The following PPP2R5E variants were observed in gnomAD, a reference collection of about 807,000 sequenced individuals.
PPP2R5E encodes serine/threonine-protein phosphatase 2A 56 kDa regulatory subunit epsilon isoform.
PPP2R5E carries 4 observed loss-of-function variants against 65.3 expected under a neutral mutation model. The ratio of observed to expected loss-of-function variants is 0.06; its 90% CI spans 0.03 to 0.14. The LOEUF is 0.14. Ranked by LOEUF, PPP2R5E falls within the 10% of genes least tolerant of loss-of-function variation. The probability of loss-of-function intolerance (pLI) is 1.00; values close to 1 mark genes in which losing one functional copy is unlikely to be tolerated. For missense variants in PPP2R5E, 274 were observed against 556.1 expected, an observed-to-expected ratio of 0.49 and a Z score of 5.10; for synonymous variants, 183 against 187.4, an observed-to-expected ratio of 0.98 and a Z score of 0.19.
intron 2 of PPP2R5E, among the ~76,000 whole-genome samples, chr14:63,503,245 T>C (rs1391938782): frequency 2.0e-5 from 3 of 152,152 alleles, no homozygotes; most frequent in Non-Finnish European, 4.4e-5. Flanking sequence ...GAAGGCCTCC[T>C]CTTGAGCTGA....
intron 2 of PPP2R5E, among the ~76,000 whole-genome samples, chr14:63,529,746 T>A (rs1351406860): frequency 1.3e-5 from 2 of 152,170 alleles, no homozygotes; most frequent in African/African-American, 4.8e-5. Flanking sequence ...ACTTGAATGA[T>A]AAGAAGTTGG....
At chr14:63,485,573 T>C (rs1056185602) in intron 2 of PPP2R5E, among the ~76,000 whole-genome samples, 6 of 150,966 alleles carry the variant, frequency 4.0e-5, no homozygotes, top group Middle Eastern at 3.4e-3. Flanking sequence ...TGCCACCACG[T>C]CCGGCTAATT....
At chr14:63,422,691 C>T (rs1887097181) in intron 3 of PPP2R5E, among the ~76,000 whole-genome samples, 1 of 141,508 alleles carries the variant, frequency 7.1e-6, no homozygotes, top group South Asian at 2.2e-4. Context: ...CGCGGCACTG[C>T]ACTCCAGCCT....
chr14:63,425,313 C>T (rs767911096), intron 3 of PPP2R5E, among the ~76,000 whole-genome samples: 3 of 152,182 alleles, frequency 2.0e-5, no homozygotes, highest in Non-Finnish European at 4.4e-5. Context: ...TATCAACCTA[C>T]GACTTCCCTT....
chr14:63,507,572 TC>T (rs1892251165), intron 2 of PPP2R5E, among the ~76,000 whole-genome samples: 1 of 145,234 alleles, frequency 6.9e-6, no homozygotes, highest in African/African-American at 2.6e-5. Flanking sequence ...CAAGGGTAAT[TC>T]TCTTTTTTTT....
At chr14:63,510,941 G>A (rs777426000) in intron 2 of PPP2R5E, among the ~76,000 whole-genome samples, 4 of 152,196 alleles carry the variant, frequency 2.6e-5, no homozygotes, top group Non-Finnish European at 5.9e-5. Flanking sequence ...TAGCAAAGGA[G>A]GCAGAGAAGA....
At position 63,397,901 on chromosome 14, in the gene PPP2R5E, G is replaced by A. The variant is rs1439023577; in HGVS notation, c.550-1185C>T. 3.9e-5 allele frequency among the ~76,000 whole-genome samples: 6 copies of A among 152,004 alleles called. No homozygotes were observed. In the East Asian group the frequency reaches 1.2e-3, roughly 29 times the overall value. ...TACCACCGTGCCCAGCTAATTTTTT[G>A]TATTTTTAGCAGAGACAGGGTTTCA... On this transcript the variant is annotated intron_variant, in intron 5 of 13. Coordinates refer to ENST00000337537, the MANE Select transcript of PPP2R5E (RefSeq NM_006246.5).
intron 1 of PPP2R5E, among the ~76,000 whole-genome samples, chr14:63,542,304 C>A (rs921101115): frequency 2.0e-5 from 3 of 152,128 alleles, no homozygotes; most frequent in African/African-American, 7.2e-5. Flanking sequence ...GCTTTATCAT[C>A]CTCTAATCAG....
intron 2 of PPP2R5E, among the ~76,000 whole-genome samples, chr14:63,459,157 A>C (rs1889317738): frequency 1.3e-5 from 2 of 152,234 alleles, no homozygotes; most frequent in African/African-American, 4.8e-5. Context: ...GATGCTTAAT[A>C]CTAAAACATT....
In PPP2R5E at chr14:63,537,111, A is replaced by G. The variant is rs187484201; in HGVS notation, c.157+2418T>C. On this transcript the variant is annotated intron_variant, in intron 2 of 13. Transcript: ENST00000337537. ...TAAAGCATGTGTCCAAATTCTTCTC[A>G]TGCATGCTTCTTTCACTACCCACAA... 6.6e-5 allele frequency among the ~76,000 whole-genome samples: 10 copies of G among 152,262 alleles called. No individual in the cohort carries two copies. In the East Asian group the frequency reaches 1.7e-3, roughly 26 times the overall value.
At chr14:63,395,162 C>T in intron 7 of PPP2R5E, 64 bp downstream of exon 7, 2 of 1,388,892 alleles carry the variant, frequency 1.4e-6, no homozygotes, top group Non-Finnish European at 2.0e-6. Context: ...CTCTTGGTGC[C>T]ACCTGAACCT....
At chr14:63,437,744 C>T (rs560675713) in intron 3 of PPP2R5E, among the ~76,000 whole-genome samples, 12 of 152,296 alleles carry the variant, frequency 7.9e-5, no homozygotes, top group African/African-American at 2.4e-4. Context: ...ACCCCACTCC[C>T]TACCTTTCTG....
intron 2 of PPP2R5E, among the ~76,000 whole-genome samples, chr14:63,457,220 C>A (rs909631804): frequency 4.6e-4 from 70 of 152,162 alleles, no homozygotes; most frequent in Non-Finnish European, 8.5e-4. Context: ...GGCCAGAGAT[C>A]AGAGAAGGAA....
chr14:63,505,873 A>G (rs1485031087), intron 2 of PPP2R5E, among the ~76,000 whole-genome samples: 1 of 152,148 alleles, frequency 6.6e-6, no homozygotes, highest in East Asian at 1.9e-4. Context: ...ATAAATTACA[A>G]AGCAATGTGG....
intron 11 of PPP2R5E, 145 bp from the exon 12 acceptor site, chr14:63,384,716 AAT>A (rs915226975): frequency 5.5e-5 from 33 of 601,544 alleles, no homozygotes; most frequent in Admixed American, 7.2e-5. Context: ...ATCACATTTT[AAT>A]ATATATATAT....
intron 4 of PPP2R5E, among the ~76,000 whole-genome samples, chr14:63,420,727 C>T (rs1167862218): frequency 6.6e-6 from 1 of 152,216 alleles, no homozygotes; most frequent in African/African-American, 2.4e-5. Flanking sequence ...TAGGCCTTCT[C>T]TCTCTGCTGC....
chr14:63,448,283 C>T (rs1292089809), intron 3 of PPP2R5E, among the ~76,000 whole-genome samples: 2 of 151,798 alleles, frequency 1.3e-5, no homozygotes, highest in Non-Finnish European at 2.9e-5. Context: ...GGCGACAGAG[C>T]GGGACTCCAT....
At chr14:63,381,193 AGTTCCACTG>A (rs1310279013) in intron 13 of PPP2R5E, among the ~76,000 whole-genome samples, 1 of 152,228 alleles carries the variant, frequency 6.6e-6, no homozygotes, top group Non-Finnish European at 1.5e-5. Context: ...TATTGCAAAG[AGTTCCACTG>A]GTTTGTTCTC....
intron 3 of PPP2R5E, among the ~76,000 whole-genome samples, chr14:63,432,690 G>C (rs143393450): frequency 4.7e-4 from 71 of 152,166 alleles, no homozygotes; most frequent in Non-Finnish European, 7.2e-4. Flanking sequence ...AGGGAAGAAA[G>C]AAAGAAAGAT....
Sources: allele counts gnomAD v4.1 joint callset (sites outside exome capture counted in the v4.1 genomes callset), GRCh38; gene constraint gnomAD v4.1.1; transcripts MANE v1.5; gene names NCBI Gene and HGNC (gene_info 2026-07-23, HGNC 2026-07-21).